ROCK1: variants seen among roughly 807,000 people sequenced by gnomAD.
ROCK1 encodes the protein rho-associated protein kinase 1.
ROCK1 carries 36 observed loss-of-function variants against 196.8 expected under a neutral mutation model. That is an observed-to-expected ratio of 0.18 (90% confidence interval 0.14 to 0.24). The LOEUF (loss-of-function observed/expected upper bound fraction) is 0.24, where lower values mean the gene tolerates loss of function less well. Among genes scored for constraint, ROCK1 ranks in the 10% least tolerant of loss-of-function variants. The pLI is 1.00. For synonymous variants in ROCK1, 443 were observed against 515.9 expected (o/e 0.86, Z 1.91); for missense variants, 920 against 1,562.0 (o/e 0.59, Z 6.93).
chr18:21,068,411 C>A (rs2036355602), intron 2 of ROCK1, among the ~76,000 whole-genome samples: 1 of 152,172 alleles, frequency 6.6e-6, no homozygotes, highest in African/African-American at 2.4e-5. Context: ...TGACCTTAAT[C>A]CTCCAACTTG....
At chr18:20,960,514 G>A (rs1473123582) in intron 27 of ROCK1, 2 of 228,400 alleles carry the variant, frequency 8.8e-6, no homozygotes, top group African/African-American at 4.5e-5. Flanking sequence ...AATGGGATAT[G>A]ATGTAGAAGA....
chr18:21,100,586 TA>T lies in ROCK1; in HGVS notation c.93+10231del, dbSNP rs751539363. Among the ~76,000 whole-genome samples, 709 of 139,176 alleles carry T rather than the reference TA, an allele frequency of 5.1e-3. 1 individual carries two copies. Among genetic ancestry groups the T allele is most frequent in the Middle Eastern group, 0.018 (5 of 284 alleles). 91.3% of individuals were successfully genotyped at this position (139,176 alleles called of 152,430 possible). A position where few individuals can be genotyped will look rare whatever the true frequency, so the allele number is the denominator to read the frequency against. On this transcript the variant is annotated intron_variant, in intron 1 of 32. Coordinates refer to ENST00000399799, the MANE Select transcript of ROCK1 (RefSeq NM_005406.3). ...TGTGTTTATAATGATGCCAAAAATTTAAAAAAAAAAAAAAGACTGAGAGCGA... is the reference window on the plus strand; with the variant it reads ...TGTGTTTATAATGATGCCAAAAATTTAAAAAAAAAAAAAGACTGAGAGCGA...
chr18:20,963,359 T>G (rs972134931), intron 27 of ROCK1, among the ~76,000 whole-genome samples: 14 of 152,066 alleles, frequency 9.2e-5, no homozygotes, highest in Non-Finnish European at 1.6e-4. Flanking sequence ...ACATACTGCT[T>G]AAGAAACAGG....
chr18:21,025,473 G>A (rs2035947990), intron 10 of ROCK1, among the ~76,000 whole-genome samples: 1 of 152,038 alleles, frequency 6.6e-6, no homozygotes, highest in Non-Finnish European at 1.5e-5. Context: ...TAATCCGCTG[G>A]GATTACTTTG....
At chr18:21,002,805 G>A (rs763450023) in intron 16 of ROCK1, among the ~76,000 whole-genome samples, 10 of 152,142 alleles carry the variant, frequency 6.6e-5, no homozygotes, top group African/African-American at 9.7e-5. Context: ...ACAGTGGCAC[G>A]ATTTCAGCTC....
chr18:21,111,333 G>A lies in ROCK1; in HGVS notation c.-423C>T, dbSNP rs1457198506. 2 of 447,752 alleles carry A rather than the reference G, an allele frequency of 4.5e-6. No individual in the cohort carries two copies. The highest frequency in any genetic ancestry group is 3.9e-5 in the Admixed American group (1 of 25,716). 27.7% of individuals were successfully genotyped at this position (447,752 alleles called of 1,614,324 possible). On this transcript the variant is annotated 5_prime_UTR_variant, in exon 1 of 33. Coordinates refer to ENST00000399799, the MANE Select transcript of ROCK1 (RefSeq NM_005406.3). This position sits in a 1 kb window ranked among gnomAD's most constrained non-coding sequence, Gnocchi z 4.2. ...CCGGGCAACAAGGGAGGGAGAAGAG[G>A]AAAGGCGAAAGCAAAGGGCGGGTGA...
At chr18:21,043,632 A>C (rs576032071) in intron 6 of ROCK1, among the ~76,000 whole-genome samples, 7 of 150,376 alleles carry the variant, frequency 4.7e-5, no homozygotes, top group African/African-American at 1.7e-4. Flanking sequence ...TGTATATGTT[A>C]TTTATTATAT....
chr18:21,073,088 A>C (rs1336719826), intron 1 of ROCK1, among the ~76,000 whole-genome samples: 4 of 147,984 alleles, frequency 2.7e-5, no homozygotes, highest in East Asian at 4.1e-4. Flanking sequence ...AAAAAAAAAA[A>C]AAAAAAAAAA....
intron 27 of ROCK1, 36 bp downstream of exon 27, chr18:20,966,881 T>C (rs1284581925): frequency 1.3e-6 from 2 of 1,504,282 alleles, no homozygotes; most frequent in East Asian, 2.3e-5. Flanking sequence ...TTCCATGACA[T>C]TTATACATGT....
chr18:21,106,729 T>C (rs2036706348), intron 1 of ROCK1, among the ~76,000 whole-genome samples: 1 of 152,246 alleles, frequency 6.6e-6, no homozygotes, highest in African/African-American at 2.4e-5. Context: ...TTGACTAATT[T>C]GAATGCTCTA....
Position 21,042,686 on chromosome 18 carries a change from T to C in ROCK1, c.699A>G (p.Thr233=), listed in dbSNP as rs781117691. The change falls in exon 7 of 33, where the codon ACA becomes ACG. Residue 233 remains threonine (T), a synonymous_variant. Transcript: ENST00000399799. Reference sequence around the variant, plus strand: ...AAATATAATCAGGTGTTCCAACCGCTGTATCACATCGTACCATGCCTTCCT... The same window carrying C: ...AAATATAATCAGGTGTTCCAACCGCCGTATCACATCGTACCATGCCTTCCT... ...MNKEGMVRCD[T]AVGTPDYISP... 5.0e-6 allele frequency: 8 copies of C among 1,613,232 alleles called. No homozygotes were observed. The East Asian group carries it at 8.9e-5, about 18-fold the overall frequency.
chr18:21,071,339 T>C (rs962418263), intron 1 of ROCK1, among the ~76,000 whole-genome samples: 2 of 152,076 alleles, frequency 1.3e-5, no homozygotes, highest in Admixed American at 1.3e-4. Context: ...CTACCACACC[T>C]GGCTAAATTT....
At chr18:21,031,723 A>T in intron 9 of ROCK1, among the ~76,000 whole-genome samples, 1 of 152,144 alleles carries the variant, frequency 6.6e-6, no homozygotes, top group Non-Finnish European at 1.5e-5. Context: ...GCAAATGAAC[A>T]CTATGGATGA....
At chr18:21,047,877 T>G (rs183904716) in intron 4 of ROCK1, among the ~76,000 whole-genome samples, 1 of 152,304 alleles carries the variant, frequency 6.6e-6, no homozygotes, top group Non-Finnish European at 1.5e-5. Context: ...GTATGCTTTT[T>G]AAGGACAGAC....
At chr18:21,089,487 A>G (rs1457037482) in intron 1 of ROCK1, among the ~76,000 whole-genome samples, 1 of 152,206 alleles carries the variant, frequency 6.6e-6, no homozygotes, top group Non-Finnish European at 1.5e-5. Context: ...ATGACAATAC[A>G]TTGCCTTGGT....
At chr18:21,015,563 A>C (rs2035855453) in intron 12 of ROCK1, 84 bp from the exon 13 acceptor site, 1 of 860,148 alleles carries the variant, frequency 1.2e-6, no homozygotes. Flanking sequence ...TTACTTTTCC[A>C]CTTAACTAGA....
intron 22 of ROCK1, among the ~76,000 whole-genome samples, chr18:20,973,753 T>A (rs1322532731): frequency 6.6e-6 from 1 of 151,758 alleles, no homozygotes; most frequent in Non-Finnish European, 1.5e-5. Context: ...ATAAATACAA[T>A]GGACAATTTA....
intron 31 of ROCK1, among the ~76,000 whole-genome samples, chr18:20,954,291 T>C (rs2035219176): frequency 6.9e-6 from 1 of 144,134 alleles, no homozygotes; most frequent in East Asian, 2.0e-4. Flanking sequence ...AAAAACACTG[T>C]TGGCCGGGCG....
At chr18:21,032,766 C>T (rs959543626) in intron 9 of ROCK1, among the ~76,000 whole-genome samples, 2 of 151,454 alleles carry the variant, frequency 1.3e-5, no homozygotes, top group African/African-American at 4.9e-5. Context: ...AAGTGATCCA[C>T]CTGCCTTGGC....
Sources: allele counts gnomAD v4.1 joint callset (sites outside exome capture counted in the v4.1 genomes callset), GRCh38; gene constraint gnomAD v4.1.1; non-coding constraint Gnocchi (gnomAD v3.1); transcripts MANE v1.5; gene names NCBI Gene and HGNC (gene_info 2026-07-23, HGNC 2026-07-21).